Variants in CTNNA2 observed in about 807,000 individuals in gnomAD.
CTNNA2 encodes the protein catenin alpha-2.
A neutral mutation model predicts 101.0 loss-of-function variants in CTNNA2; 42 were observed. The observed-to-expected ratio is 0.42, with a 90% CI of 0.32 to 0.54. The LOEUF is 0.54. Among genes scored for constraint, CTNNA2 ranks in the 20% least tolerant of loss-of-function variants. The pLI, the probability that CTNNA2 is intolerant of heterozygous loss-of-function variation, is 0.14. For synonymous variants in CTNNA2, 450 were observed against 456.4 expected, an observed-to-expected ratio of 0.99 and a Z score of 0.18; for missense variants, 871 against 1,223.1, an observed-to-expected ratio of 0.71 and a Z score of 4.29.
At chr2:80,446,144 C>G (rs2149448985) in intron 9 of CTNNA2, among the ~76,000 whole-genome samples, 1 of 152,282 alleles carries the variant, frequency 6.6e-6, no homozygotes, top group South Asian at 2.1e-4. Context: ...TAAGGGCATT[C>G]TTGACTCTGT....
At chr2:80,529,846 A>G (rs1297796147) in intron 9 of CTNNA2, among the ~76,000 whole-genome samples, 1 of 152,146 alleles carries the variant, frequency 6.6e-6, no homozygotes. Context: ...GGGGGTAAAA[A>G]TGACCTACTG....
At chr2:79,321,269 G>A (rs187510002) in intron 3 of CTNNA2, among the ~76,000 whole-genome samples, 13 of 152,288 alleles carry the variant, frequency 8.5e-5, no homozygotes, top group Non-Finnish European at 1.5e-4. Flanking sequence ...TCCAGTGTCT[G>A]ATGACTCTGA....
At chr2:79,406,370 A>G (rs1678341942) in intron 4 of CTNNA2, among the ~76,000 whole-genome samples, 1 of 152,216 alleles carries the variant, frequency 6.6e-6, no homozygotes, top group Non-Finnish European at 1.5e-5. Flanking sequence ...ACTTGGTTTG[A>G]CTTAAAAGCG....
chr2:79,521,066 T>C (rs958997999), intron 1 of CTNNA2, among the ~76,000 whole-genome samples: 26 of 129,302 alleles, frequency 2.0e-4, no homozygotes, highest in Middle Eastern at 3.9e-3. Context: ...GTCAAATTCC[T>C]ATTTGAAAGT....
chr2:80,080,688 C>T (rs1699079052), intron 7 of CTNNA2, among the ~76,000 whole-genome samples: 1 of 152,100 alleles, frequency 6.6e-6, no homozygotes, highest in African/African-American at 2.4e-5. Context: ...TTGATTCATC[C>T]TGGATCTTTC....
At chr2:79,811,535 C>G (rs918199956) in intron 3 of CTNNA2, among the ~76,000 whole-genome samples, 8 of 152,128 alleles carry the variant, frequency 5.3e-5, no homozygotes, top group Non-Finnish European at 1.0e-4. Flanking sequence ...GTCAATTGAT[C>G]ATACATGTAA....
chr2:80,474,508 G>C (rs1468786223), intron 9 of CTNNA2, among the ~76,000 whole-genome samples: 1 of 152,120 alleles, frequency 6.6e-6, no homozygotes, highest in African/African-American at 2.4e-5. Flanking sequence ...GAAGGCAAGA[G>C]GTAAATTTCA....
In CTNNA2 at chr2:80,419,324, T is replaced by C; in HGVS notation, c.1138-125T>C. 3 of 738,178 alleles carry C rather than the reference T, an allele frequency of 4.1e-6. No individual in the cohort carries two copies. In the South Asian group the frequency reaches 5.9e-5, roughly 15 times the overall value. The allele number at this position is 738,178 out of a possible 1,614,324, so 45.7% of individuals were successfully genotyped here. On this transcript the variant is annotated intron_variant, in intron 8 of 18. Coordinates refer to ENST00000402739, the MANE Select transcript of CTNNA2 (RefSeq NM_001282597.3). ...TTAATAATGTAAGCACTGGGAAAAT[T>C]TTAAAAAGAAAATAGGAATATTATC...
At chr2:80,482,174 T>A (rs953612017) in intron 9 of CTNNA2, among the ~76,000 whole-genome samples, 22 of 151,756 alleles carry the variant, frequency 1.4e-4, no homozygotes, top group African/African-American at 5.3e-4. Context: ...GGTGATCCAA[T>A]CCTCCTCCTC....
chr2:79,670,328 C>T (rs940864299), intron 2 of CTNNA2, among the ~76,000 whole-genome samples: 1 of 152,178 alleles, frequency 6.6e-6, no homozygotes, highest in Non-Finnish European at 1.5e-5. Context: ...CGATCCATAG[C>T]TACAGTTTAG....
At chr2:79,678,905 C>T (rs1225223651) in intron 2 of CTNNA2, among the ~76,000 whole-genome samples, 4 of 152,224 alleles carry the variant, frequency 2.6e-5, no homozygotes, top group African/African-American at 9.6e-5. Context: ...TTAAAATCTA[C>T]AGCATCTTCT....
intron 7 of CTNNA2, among the ~76,000 whole-genome samples, chr2:79,995,622 G>A (rs1032835760): frequency 1.3e-5 from 2 of 152,116 alleles, no homozygotes; most frequent in Non-Finnish European, 2.9e-5. Flanking sequence ...ACCAGCCTGA[G>A]CAACATAGTG....
At chr2:80,572,519 A>T (rs917374981) in intron 12 of CTNNA2, among the ~76,000 whole-genome samples, 1 of 152,204 alleles carries the variant, frequency 6.6e-6, no homozygotes, top group African/African-American at 2.4e-5. Flanking sequence ...GTGGAGTGGC[A>T]TTAATATAAC....
At chr2:79,243,021 C>CACACAT (rs1558584662) in intron 2 of CTNNA2, among the ~76,000 whole-genome samples, 28 of 149,132 alleles carry the variant, frequency 1.9e-4, no homozygotes, top group African/African-American at 5.9e-4. Flanking sequence ...CACACACACA[C>CACACAT]ACACACACGT....
At chr2:80,305,157 T>G in intron 7 of CTNNA2, 2 of 985,398 alleles carry the variant, frequency 2.0e-6, no homozygotes, top group Non-Finnish European at 2.4e-6. Context: ...AGGCAATGAT[T>G]TGGGGCTTGG....
chr2:80,552,042 G>A (rs1432771237), intron 11 of CTNNA2, among the ~76,000 whole-genome samples: 3 of 151,998 alleles, frequency 2.0e-5, no homozygotes, highest in Non-Finnish European at 4.4e-5. Flanking sequence ...TTGAGAAGAG[G>A]GAGAGAGATG....
intron 4 of CTNNA2, among the ~76,000 whole-genome samples, chr2:79,499,861 G>A (rs1002034187): frequency 6.6e-6 from 1 of 152,196 alleles, no homozygotes; most frequent in African/African-American, 2.4e-5. Flanking sequence ...AAGATTTATT[G>A]TAAGTAATTG....
At chr2:80,495,939 C>CA (rs60582703) in intron 9 of CTNNA2, among the ~76,000 whole-genome samples, 765 of 35,686 alleles carry the variant, frequency 0.021, 74 homozygotes, top group Non-Finnish European at 0.025. Context: ...GACTCTGTCT[C>CA]AAAAAAAAAA....
upstream of CTNNA2, among the ~76,000 whole-genome samples, chr2:79,508,993 A>G (rs1352714185): frequency 2.7e-5 from 2 of 75,046 alleles, no homozygotes; most frequent in Non-Finnish European, 5.6e-5. Flanking sequence ...ATATATATAT[A>G]TATATATATA....
Sources: gnomAD v4.1 joint callset for allele counts (sites outside exome capture counted in the v4.1 genomes callset) on GRCh38, gnomAD v4.1.1 for gene constraint, MANE v1.5 for transcripts, NCBI Gene and HGNC (gene_info 2026-07-23, HGNC 2026-07-21) for gene names.